PTPRD: variants seen among roughly 807,000 people sequenced by gnomAD.
The protein encoded by PTPRD is protein tyrosine phosphatase receptor type D.
In PTPRD, 34 loss-of-function variants were observed where a neutral mutation model predicts 214.5. The observed-to-expected ratio is 0.16, with a 90% CI of 0.12 to 0.21. The LOEUF (loss-of-function observed/expected upper bound fraction) is 0.21, where lower values mean the gene tolerates loss of function less well. Among genes scored for constraint, PTPRD ranks in the 10% least tolerant of loss-of-function variants. The pLI, the probability that PTPRD is intolerant of heterozygous loss-of-function variation, is 1.00. For synonymous variants in PTPRD, 1,128 were observed against 845.7 expected (o/e 1.33, Z -5.79); for missense variants, 2,545 against 2,398.7 (o/e 1.06, Z -1.27).
In PTPRD at chr9:9,320,870, G is replaced by A. The variant is rs567094994; in HGVS notation, c.-203+76579C>T. On this transcript the variant is annotated intron_variant, in intron 9 of 45. Transcript: ENST00000381196. ...CATATTTTAATTTGATTGAGAATTT[G>A]TATTTTGTCCAAAAGCCAGAAATGT... Among the ~76,000 whole-genome samples, 8 of 152,226 alleles carry A rather than the reference G, an allele frequency of 5.3e-5. No individual in the cohort carries two copies. The South Asian group carries it at 1.0e-3, about 20-fold the overall frequency.
At chr9:9,802,431 A>C (rs2099046851) in intron 5 of PTPRD, among the ~76,000 whole-genome samples, 1 of 151,942 alleles carries the variant, frequency 6.6e-6, no homozygotes, top group African/African-American at 2.4e-5. Context: ...ATTAGGCCAT[A>C]ATTTGCTCCT....
intron 11 of PTPRD, among the ~76,000 whole-genome samples, chr9:8,950,871 C>A (rs1004845566): frequency 6.6e-6 from 1 of 151,982 alleles, no homozygotes; most frequent in Non-Finnish European, 1.5e-5. Context: ...TCTACTTGTT[C>A]AGATTTTATT....
intron 7 of PTPRD, among the ~76,000 whole-genome samples, chr9:9,712,923 T>G (rs1487131198): frequency 1.3e-5 from 2 of 152,214 alleles, no homozygotes; most frequent in African/African-American, 4.8e-5. Flanking sequence ...GTATGTATCC[T>G]TGTATAAGAA....
intron 21 of PTPRD, among the ~76,000 whole-genome samples, chr9:8,510,053 T>C (rs1466333908): frequency 6.6e-6 from 1 of 151,916 alleles, no homozygotes; most frequent in Admixed American, 6.6e-5. Context: ...GGAGGCCAAG[T>C]TGGGAGGATG....
intron 5 of PTPRD, among the ~76,000 whole-genome samples, chr9:9,916,473 C>T (rs2080844045): frequency 1.3e-5 from 2 of 151,880 alleles, no homozygotes; most frequent in Admixed American, 1.3e-4. Flanking sequence ...TAAACTAAAT[C>T]CCCATTTAAA....
chr9:10,520,770 C>G (rs1181304569), intron 2 of PTPRD, among the ~76,000 whole-genome samples: 2 of 151,974 alleles, frequency 1.3e-5, no homozygotes, highest in Non-Finnish European at 2.9e-5. Flanking sequence ...TATGTTAAAT[C>G]TACTCTGCCT....
At chr9:8,962,086 T>C (rs541959771) in intron 11 of PTPRD, 2 of 152,274 alleles carry the variant, frequency 1.3e-5, no homozygotes, top group South Asian at 2.1e-4. Flanking sequence ...AAAAGAGCCA[T>C]TTCTTCTTTC....
intron 11 of PTPRD, among the ~76,000 whole-genome samples, chr9:8,785,237 CAG>C (rs1046456331): frequency 2.0e-5 from 3 of 151,990 alleles, no homozygotes; most frequent in African/African-American, 7.2e-5. Flanking sequence ...TGAAGAATAA[CAG>C]GGGAAAAAAA....
intron 14 of PTPRD, among the ~76,000 whole-genome samples, chr9:8,544,292 G>A (rs2079296040): frequency 6.8e-6 from 1 of 147,884 alleles, no homozygotes; most frequent in Non-Finnish European, 1.5e-5. Flanking sequence ...TCAGCCTCCC[G>A]AGTGATCTCG....
intron 10 of PTPRD, among the ~76,000 whole-genome samples, chr9:9,048,611 T>C (rs2099678350): frequency 6.6e-6 from 1 of 152,014 alleles, no homozygotes; most frequent in African/African-American, 2.4e-5. Flanking sequence ...TCAAAACAGT[T>C]GAAATCATGA....
chr9:10,024,160 T>C (rs755106642), intron 4 of PTPRD, among the ~76,000 whole-genome samples: 6 of 152,160 alleles, frequency 3.9e-5, no homozygotes, highest in Non-Finnish European at 8.8e-5. Flanking sequence ...GTTTCAGTAA[T>C]GTATAATTTA....
intron 3 of PTPRD, among the ~76,000 whole-genome samples, chr9:10,091,855 A>T (rs934681957): frequency 6.6e-6 from 1 of 151,452 alleles, no homozygotes; most frequent in Non-Finnish European, 1.5e-5. Flanking sequence ...GTTCAAAAGA[A>T]GTTGGTTACC....
chr9:10,597,253 TTTAA>T (rs966523431), intron 2 of PTPRD, among the ~76,000 whole-genome samples: 1 of 151,822 alleles, frequency 6.6e-6, no homozygotes. Flanking sequence ...GACTGCCCCT[TTTAA>T]TTGTTTATCA....
In PTPRD at chr9:10,581,258, G is replaced by C. The variant is rs2132408680; in HGVS notation, c.-600+31140C>G. 2.6e-5 allele frequency among the ~76,000 whole-genome samples: 4 copies of C among 152,186 alleles called. 1 individual carries two copies. In the South Asian group the frequency reaches 8.3e-4, roughly 32 times the overall value. On this transcript the variant is annotated intron_variant, in intron 2 of 45. Coordinates refer to ENST00000381196, the MANE Select transcript of PTPRD (RefSeq NM_002839.4). Reference sequence around the variant, plus strand: ...TTCAACAAATGAAAAACAGTATTAAGTCTCAAAACAACTGTCAATCTTAAA... The same window carrying C: ...TTCAACAAATGAAAAACAGTATTAACTCTCAAAACAACTGTCAATCTTAAA...
chr9:8,997,100 C>T (rs1373164858), intron 11 of PTPRD, among the ~76,000 whole-genome samples: 1 of 152,052 alleles, frequency 6.6e-6, no homozygotes. Flanking sequence ...TGAAAAAGCT[C>T]AATGGCAGCA....
At chr9:9,290,039 T>G (rs1950652171) in intron 9 of PTPRD, among the ~76,000 whole-genome samples, 2 of 151,762 alleles carry the variant, frequency 1.3e-5, no homozygotes, top group African/African-American at 4.8e-5. Flanking sequence ...TTCATACTGT[T>G]TTCCATGATG....
chr9:9,835,915 A>G (rs2056612067), intron 5 of PTPRD, among the ~76,000 whole-genome samples: 1 of 152,156 alleles, frequency 6.6e-6, no homozygotes, highest in African/African-American at 2.4e-5. Flanking sequence ...TGCCAGTTTT[A>G]CAATAAGTGA....
intron 7 of PTPRD, among the ~76,000 whole-genome samples, chr9:9,639,653 A>G (rs2095874358): frequency 6.6e-6 from 1 of 152,214 alleles, no homozygotes; most frequent in Admixed American, 6.5e-5. Flanking sequence ...GAAGCTTTTT[A>G]AAAACATAAA....
intron 12 of PTPRD, among the ~76,000 whole-genome samples, chr9:8,714,937 G>T (rs2098415223): frequency 6.6e-6 from 1 of 151,750 alleles, no homozygotes; most frequent in South Asian, 2.1e-4. Flanking sequence ...CGACCTTAAT[G>T]GTGCAAGATT....
Sources: gnomAD v4.1 joint callset for allele counts (sites outside exome capture counted in the v4.1 genomes callset) on GRCh38, gnomAD v4.1.1 for gene constraint, MANE v1.5 for transcripts, NCBI Gene and HGNC (gene_info 2026-07-23, HGNC 2026-07-21) for gene names.